CFAP58: variants seen among roughly 807,000 people sequenced by gnomAD.
CFAP58 encodes cilia and flagella associated protein 58, also known as cilia- and flagella-associated protein 58.
In CFAP58, 88 loss-of-function variants were observed where a neutral mutation model predicts 119.5. The observed-to-expected ratio is 0.74, with a 90% CI of 0.62 to 0.88. CFAP58 has a LOEUF of 0.88. Among genes scored for constraint, CFAP58 ranks in the 40% least tolerant of loss-of-function variants. The pLI is 0.00. For missense variants in CFAP58, 990 were observed against 1,021.2 expected (o/e 0.97, Z 0.42); for synonymous variants, 365 against 366.3 (o/e 1.00, Z 0.04).
intron 9 of CFAP58, among the ~76,000 whole-genome samples, chr10:104,383,200 C>A (rs1464290654): frequency 1.3e-5 from 2 of 152,200 alleles, no homozygotes; most frequent in African/African-American, 4.8e-5. Flanking sequence ...CAAGCTCCCT[C>A]TGGTTCCTTA....
At chr10:104,371,270 T>C (rs2014820695) in intron 7 of CFAP58, among the ~76,000 whole-genome samples, 2 of 152,168 alleles carry the variant, frequency 1.3e-5, no homozygotes, top group Admixed American at 6.5e-5. Context: ...ACAGGTTCCA[T>C]TGGCAAAAAT....
chr10:104,366,897 T>A (rs567960838), intron 5 of CFAP58, among the ~76,000 whole-genome samples: 195 of 152,056 alleles, frequency 1.3e-3, no homozygotes, highest in African/African-American at 4.5e-3. Flanking sequence ...TGAGATGGAG[T>A]CTCTCTGTCA....
Position 104,357,908 on chromosome 10 carries a change from TAC to T in CFAP58, c.10-427_10-426del, listed in dbSNP as rs754200854. Among the ~76,000 whole-genome samples, 424 of 114,972 alleles carry T rather than the reference TAC, an allele frequency of 3.7e-3. 16 individuals are homozygous for T. Among genetic ancestry groups the T allele is most frequent in the African/African-American group, 6.7e-3 (143 of 21,248 alleles). 75.4% of individuals were successfully genotyped at this position (114,972 alleles called of 152,430 possible). A position where few individuals can be genotyped will look rare whatever the true frequency, so the allele number is the denominator to read the frequency against. On this transcript the variant is annotated intron_variant, in intron 1 of 17. Coordinates refer to ENST00000369704, the MANE Select transcript of CFAP58 (RefSeq NM_001008723.2). ...ATATATAAACATATATGTACACATA[TAC>T]ACACATATATGTACACATATACACA...
intron 8 of CFAP58, among the ~76,000 whole-genome samples, chr10:104,379,722 C>T (rs2011744279): frequency 6.6e-6 from 1 of 152,160 alleles, no homozygotes; most frequent in Non-Finnish European, 1.5e-5. Flanking sequence ...CTGCCACTTC[C>T]CCATTGTATG....
chr10:104,349,128 G>T (rs563154345), upstream of CFAP58, among the ~76,000 whole-genome samples: 1 of 152,224 alleles, frequency 6.6e-6, no homozygotes, highest in East Asian at 1.9e-4. Context: ...TGCACCTGTA[G>T]TCCCAGCTAC....
intron 15 of CFAP58, among the ~76,000 whole-genome samples, chr10:104,419,565 T>G (rs2012620325): frequency 6.6e-6 from 1 of 151,252 alleles, no homozygotes; most frequent in Non-Finnish European, 1.5e-5. Flanking sequence ...CTGTGTCCTT[T>G]TTTTTTTTTT....
At chr10:104,381,334 G>A (rs558181899) in intron 9 of CFAP58, among the ~76,000 whole-genome samples, 1 of 152,266 alleles carries the variant, frequency 6.6e-6, no homozygotes, top group South Asian at 2.1e-4. Flanking sequence ...AGCTGTCTTA[G>A]TGCATTGCCT....
rs1355097438 is a variant in CFAP58 at position 104,388,987 on chromosome 10, G to A, written c.1366-3246G>A. On this transcript the variant is annotated intron_variant, in intron 9 of 17. Coordinates refer to ENST00000369704, the MANE Select transcript of CFAP58 (RefSeq NM_001008723.2). ...TGATTTATCTCATGAGTTGGTTTGA[G>A]GTATCTCAAAGTGTATATTAATTAA... Among the ~76,000 whole-genome samples, 3 of 152,238 alleles carry A rather than the reference G, an allele frequency of 2.0e-5. No homozygotes were observed. The East Asian group carries it at 5.8e-4, about 29-fold the overall frequency.
chr10:104,381,659 G>A (rs760915262), intron 9 of CFAP58, among the ~76,000 whole-genome samples: 3 of 152,090 alleles, frequency 2.0e-5, no homozygotes, highest in Non-Finnish European at 4.4e-5. Flanking sequence ...AGGTGACAAG[G>A]GACAGCCAAT....
chr10:104,412,430 T>C (rs555067832), intron 15 of CFAP58, among the ~76,000 whole-genome samples: 10 of 152,294 alleles, frequency 6.6e-5, no homozygotes, highest in African/African-American at 2.4e-4. Context: ...GCGTTTGGAA[T>C]GGTTGGGCTC....
intron 6 of CFAP58, 99 bp from the exon 7 acceptor site, chr10:104,370,796 T>C: frequency 9.1e-7 from 1 of 1,097,690 alleles, no homozygotes; most frequent in Non-Finnish European, 1.3e-6. Context: ...TAAAATGCCA[T>C]GGGAAGAATT....
chr10:104,382,296 G>A, intron 9 of CFAP58: 2 of 684,892 alleles, frequency 2.9e-6, no homozygotes, highest in Non-Finnish European at 2.8e-6. Context: ...GGGCAGGAGT[G>A]TGGTCCTCCT....
the CFAP58 span, among the ~76,000 whole-genome samples, chr10:104,343,909 A>C: frequency 1.3e-5 from 2 of 152,136 alleles, no homozygotes; most frequent in East Asian, 3.9e-4. Flanking sequence ...TACCTGGCTA[A>C]TTTTCCTATT....
chr10:104,449,052 G>A (rs1169023376), intron 16 of CFAP58, among the ~76,000 whole-genome samples: 1 of 152,120 alleles, frequency 6.6e-6, no homozygotes, highest in Non-Finnish European at 1.5e-5. Flanking sequence ...GGGTGGTACT[G>A]AGCATGTCTG....
intron 13 of CFAP58, among the ~76,000 whole-genome samples, 196 bp downstream of exon 13, chr10:104,401,099 A>T (rs1222805294): frequency 6.6e-6 from 1 of 152,246 alleles, no homozygotes; most frequent in Non-Finnish European, 1.5e-5. Context: ...CTGTGTCACA[A>T]TAATGAACCA....
In CFAP58 at chr10:104,357,931, A is replaced by G. The variant is rs531780282; in HGVS notation, c.10-410A>G. Among the ~76,000 whole-genome samples the G allele has an allele frequency of 6.1e-4, 72 of 117,734 alleles. 4 individuals carry two copies. The highest frequency in any genetic ancestry group is 2.7e-3 in the African/African-American group (56 of 20,948). 77.2% of individuals were successfully genotyped at this position (117,734 alleles called of 152,430 possible). A position where few individuals can be genotyped will look rare whatever the true frequency, so the allele number is the denominator to read the frequency against. ...TATACACACATATATGTACACATAT[A>G]CACACATATATGTACACATATATAC... is the stretch of plus-strand genomic sequence containing the variant. On this transcript the variant is annotated intron_variant, in intron 1 of 17. Coordinates refer to ENST00000369704, the MANE Select transcript of CFAP58 (RefSeq NM_001008723.2).
chr10:104,413,335 C>G (rs182075093), intron 15 of CFAP58, among the ~76,000 whole-genome samples: 2 of 152,296 alleles, frequency 1.3e-5, no homozygotes, highest in Admixed American at 6.5e-5. Context: ...CAGGCTGATT[C>G]ATGCGGGTCT....
At chr10:104,417,258 C>G (rs1051675433) in intron 15 of CFAP58, among the ~76,000 whole-genome samples, 2 of 152,250 alleles carry the variant, frequency 1.3e-5, no homozygotes, top group African/African-American at 4.8e-5. Flanking sequence ...CTTAACCTTC[C>G]TATGCTTTGC....
At chr10:104,418,126 C>T (rs893413468) in intron 15 of CFAP58, among the ~76,000 whole-genome samples, 2 of 152,256 alleles carry the variant, frequency 1.3e-5, no homozygotes, top group African/African-American at 4.8e-5. Context: ...ATTCACGGAA[C>T]ATCACAGTTG....
Sources: allele counts gnomAD v4.1 joint callset (sites outside exome capture counted in the v4.1 genomes callset), GRCh38; gene constraint gnomAD v4.1.1; transcripts MANE v1.5; gene names NCBI Gene and HGNC (gene_info 2026-07-23, HGNC 2026-07-21).